CTPS2: variants seen among roughly 807,000 people sequenced by gnomAD.
CTPS2 encodes the protein CTP synthase 2.
CTPS2 carries 19 observed loss-of-function variants against 46.8 expected under a neutral mutation model. The observed-to-expected ratio is 0.41, with a 90% CI of 0.28 to 0.60. CTPS2 has a LOEUF of 0.60. CTPS2 is among the 20% of genes least tolerant of loss of function. The pLI is 0.35. For synonymous variants in CTPS2, 151 were observed against 165.2 expected (o/e 0.91, Z 0.66); for missense variants, 286 against 447.6 (o/e 0.64, Z 3.26).
chrX:16,667,290 A>G (rs1178605919), intron 13 of CTPS2, among the ~76,000 whole-genome samples: 1 of 109,913 alleles, frequency 9.1e-6, no homozygotes, highest in Non-Finnish European at 1.9e-5. Context: ...CTGCCACCAC[A>G]GCCAGCTAAT....
At chrX:16,673,662 T>C (rs1921970477) in intron 10 of CTPS2, among the ~76,000 whole-genome samples, 1 of 112,103 alleles carries the variant, frequency 8.9e-6, no homozygotes, top group African/African-American at 3.2e-5. Flanking sequence ...AAAATTGTAA[T>C]GACTTTTAGT....
At chrX:16,598,306 A>G (rs1228168317) in intron 17 of CTPS2, among the ~76,000 whole-genome samples, 1 of 111,310 alleles carries the variant, frequency 9.0e-6, no homozygotes, top group African/African-American at 3.3e-5. Context: ...TTGATAGACC[A>G]CTAGCAAGAT....
chrX:16,654,568 ATCC>A, intron 13 of CTPS2: 2 of 659,858 alleles, frequency 3.0e-6, no homozygotes, highest in Non-Finnish European at 4.6e-6. Context: ...CTGTGGTCTT[ATCC>A]TATGTGGAAT....
chrX:16,644,057 C>T (rs1476569795), intron 13 of CTPS2, among the ~76,000 whole-genome samples: 4 of 111,434 alleles, frequency 3.6e-5, no homozygotes, highest in Non-Finnish European at 7.5e-5. Flanking sequence ...CCTCCCCTAC[C>T]CTAAAGATAT....
intron 4 of CTPS2, among the ~76,000 whole-genome samples, chrX:16,697,439 T>C (rs1924209601): frequency 9.9e-6 from 1 of 100,788 alleles, no homozygotes; most frequent in Non-Finnish European, 2.0e-5. Flanking sequence ...CGACTTTTTT[T>C]TTTTTTTTTT....
intron 14 of CTPS2, among the ~76,000 whole-genome samples, chrX:16,634,853 G>A (rs1029378919): frequency 9.1e-6 from 1 of 110,016 alleles, no homozygotes; most frequent in African/African-American, 3.3e-5. Context: ...AGAGGCTGAG[G>A]CAGGAGAATC....
chrX:16,594,638 G>C (rs1929131875), intron 17 of CTPS2, among the ~76,000 whole-genome samples: 1 of 111,727 alleles, frequency 9.0e-6, no homozygotes, highest in African/African-American at 3.2e-5. Flanking sequence ...ACTTGGGCGG[G>C]CCTGTTTCTA....
chrX:16,620,419 T>C, intron 14 of CTPS2, 87 bp from the exon 15 acceptor site: 1 of 637,548 alleles, frequency 1.6e-6, no homozygotes, highest in Non-Finnish European at 2.5e-6. Flanking sequence ...AGTGCCTGGA[T>C]CACTATCTAT....
chrX:16,673,046 C>T (rs1351730862), intron 10 of CTPS2, among the ~76,000 whole-genome samples: 3 of 105,448 alleles, frequency 2.8e-5, no homozygotes, highest in Non-Finnish European at 5.8e-5. Context: ...GCCACTACGC[C>T]CGGCTAATTT....
chrX:16,682,659 C>T, intron 9 of CTPS2, among the ~76,000 whole-genome samples: 1 of 111,722 alleles, frequency 9.0e-6, no homozygotes, highest in East Asian at 2.8e-4. Flanking sequence ...GTACAGACAA[C>T]ATGGTTTCTG....
intron 10 of CTPS2, 36 bp downstream of exon 10, chrX:16,678,326 C>A: frequency 1.1e-6 from 1 of 886,747 alleles, no homozygotes; most frequent in South Asian, 2.1e-5. Context: ...TACAATGGTC[C>A]TATCCTAACT....
At chrX:16,672,864 G>C (rs928659895) in intron 10 of CTPS2, among the ~76,000 whole-genome samples, 8 of 106,573 alleles carry the variant, frequency 7.5e-5, no homozygotes, top group Non-Finnish European at 1.3e-4. Flanking sequence ...ATGGTAAAAA[G>C]GATTTGTGAG....
At chrX:16,616,079 G>A (rs1303788378) in intron 16 of CTPS2, among the ~76,000 whole-genome samples, 4 of 112,016 alleles carry the variant, frequency 3.6e-5, no homozygotes, top group East Asian at 5.6e-4. Context: ...CAGGCTGGAC[G>A]TGGTGCACAG....
Position 16,589,724 on chromosome X carries a change from G to A in CTPS2, c.*93C>T, listed in dbSNP as rs1444999195. The A allele has an allele frequency of 8.9e-6, 1 of 112,289 alleles. No homozygotes were observed. Among genetic ancestry groups the A allele is most frequent in the African/African-American group, 3.2e-5 (1 of 30,936 alleles). 9.3% of individuals were successfully genotyped at this position (112,289 alleles called of 1,213,427 possible). On this transcript the variant is annotated 3_prime_UTR_variant, in exon 19 of 19. Transcript: ENST00000359276. ...GAGAACAGAGGGATTCTCTAAGAGT[G>A]TAGTGATTTCTTCAGATAGTTCCTT...
intron 1 of CTPS2, among the ~76,000 whole-genome samples, chrX:16,703,779 T>C (rs921933784): frequency 3.6e-5 from 4 of 111,496 alleles, no homozygotes; most frequent in Non-Finnish European, 7.5e-5. Context: ...CCTAGGTCTG[T>C]TGCCCTGGGT....
At chrX:16,642,341 A>G (rs1932120347) in intron 13 of CTPS2, among the ~76,000 whole-genome samples, 1 of 111,887 alleles carries the variant, frequency 8.9e-6, no homozygotes, top group African/African-American at 3.2e-5. Flanking sequence ...AGAGGTGGGA[A>G]GCAGGTGAAA....
intron 13 of CTPS2, among the ~76,000 whole-genome samples, chrX:16,664,105 G>C: frequency 8.9e-6 from 1 of 112,101 alleles, no homozygotes; most frequent in East Asian, 2.8e-4. Context: ...CAAAGTGCTG[G>C]GATTATAGGC....
chrX:16,665,563 A>G (rs921273097), intron 13 of CTPS2, among the ~76,000 whole-genome samples: 2 of 112,057 alleles, frequency 1.8e-5, no homozygotes, highest in Non-Finnish European at 3.8e-5. Context: ...AATGATTCAA[A>G]CAGGCAAATC....
intron 17 of CTPS2, among the ~76,000 whole-genome samples, chrX:16,608,811 T>C (rs959803554): frequency 2.7e-5 from 3 of 111,412 alleles, no homozygotes; most frequent in African/African-American, 9.8e-5. Flanking sequence ...CGTTGACAAT[T>C]TGGCAGGGAA....
Sources: allele counts gnomAD v4.1 joint callset (sites outside exome capture counted in the v4.1 genomes callset), GRCh38; gene constraint gnomAD v4.1.1; transcripts MANE v1.5; gene names NCBI Gene and HGNC (gene_info 2026-07-23, HGNC 2026-07-21).